The following ANXA4 variants were observed in gnomAD, a reference collection of about 807,000 sequenced individuals.
ANXA4 encodes the protein annexin A4, also known as 35-beta calcimedin.
A neutral mutation model predicts 49.8 loss-of-function variants in ANXA4; 39 were observed. The observed-to-expected ratio is 0.78, with a 90% CI of 0.61 to 1.02. ANXA4 has a LOEUF of 1.02. ANXA4 is among the 50% of genes least tolerant of loss of function. ANXA4 has a pLI of 0.00. For missense variants in ANXA4, 360 were observed against 410.1 expected, an observed-to-expected ratio of 0.88 and a Z score of 1.05; for synonymous variants, 134 against 152.5, an observed-to-expected ratio of 0.88 and a Z score of 0.89.
chr2:69,804,884 T>TA, intron 4 of ANXA4, among the ~76,000 whole-genome samples: 2 of 150,776 alleles, frequency 1.3e-5, no homozygotes, highest in Middle Eastern at 6.8e-3. Context: ...CATCTCTCCT[T>TA]AAAAAATACA....
chr2:69,782,508 A>T (rs2312553), intron 2 of ANXA4, among the ~76,000 whole-genome samples: 54,059 of 151,400 alleles, frequency 0.36, 10,908 homozygotes, highest in East Asian at 0.51. Context: ...GAATTTTTTT[A>T]AAAATATTTA....
At chr2:69,761,455 T>G (rs969719720) in intron 1 of ANXA4, among the ~76,000 whole-genome samples, 3 of 152,250 alleles carry the variant, frequency 2.0e-5, no homozygotes, top group Non-Finnish European at 4.4e-5. Context: ...TGATTCATGT[T>G]TTTTAAAAGA....
chr2:69,663,418 G>A (rs548895470), intron 2 of ANXA4, among the ~76,000 whole-genome samples: 64 of 142,560 alleles, frequency 4.5e-4, no homozygotes, highest in African/African-American at 8.3e-4. Flanking sequence ...TCCAAAACAC[G>A]CTAACAGAGA....
chr2:69,794,536 T>C, intron 3 of ANXA4, among the ~76,000 whole-genome samples: 1 of 126,646 alleles, frequency 7.9e-6, no homozygotes, highest in East Asian at 1.9e-4. Flanking sequence ...TGTTATGTTA[T>C]GTTATGTTAT....
chr2:69,816,767 A>G (rs1420297636), intron 9 of ANXA4: 1 of 152,304 alleles, frequency 6.6e-6, no homozygotes, highest in African/African-American at 2.4e-5. Flanking sequence ...TGTCAGGTTC[A>G]TATTCTTTTA....
In ANXA4 at chr2:69,652,456, A is replaced by T. The variant is rs534757873; in HGVS notation, n.482-542A>T. On this transcript the variant is annotated intron_variant and non_coding_transcript_variant, in intron 1 of 3. Transcript: ENST00000418066. ...TCTTTTTCTTTTAAAGACTTTTAAT[A>T]GGTTGTTGGGAGAAGCTTAGGGATC... Among the ~76,000 whole-genome samples the T allele has an allele frequency of 2.5e-3, 376 of 152,320 alleles. 1 individual carries two copies. Among genetic ancestry groups the T allele is most frequent in the Middle Eastern group, 0.02 (6 of 294 alleles).
At chr2:69,670,438 C>CAAA (rs748196181) in intron 2 of ANXA4, among the ~76,000 whole-genome samples, 7 of 44,764 alleles carry the variant, frequency 1.6e-4, no homozygotes, top group Non-Finnish European at 1.8e-4. Flanking sequence ...GACTCAATCT[C>CAAA]AAAAAAAAAA....
intron 1 of ANXA4, among the ~76,000 whole-genome samples, chr2:69,647,228 C>T (rs1676039096): frequency 6.6e-6 from 1 of 152,136 alleles, no homozygotes; most frequent in South Asian, 2.1e-4. Flanking sequence ...CCCAGCCTGT[C>T]AGGATCACCA....
chr2:69,765,827 A>AG (rs1671472608), intron 1 of ANXA4, among the ~76,000 whole-genome samples: 1 of 152,020 alleles, frequency 6.6e-6, no homozygotes, highest in African/African-American at 2.4e-5. Context: ...AGAGGAGGAG[A>AG]GGGGGGCTGA....
chr2:69,795,612 G>A (rs184999376), intron 3 of ANXA4, among the ~76,000 whole-genome samples: 47 of 152,228 alleles, frequency 3.1e-4, no homozygotes, highest in African/African-American at 1.1e-3. Flanking sequence ...TATTGTCTCT[G>A]GTTAGGAAAA....
chr2:69,719,776 A>C (rs562360041), intron 2 of ANXA4, among the ~76,000 whole-genome samples: 55 of 152,212 alleles, frequency 3.6e-4, no homozygotes, highest in African/African-American at 1.3e-3. Context: ...TACAAAAATC[A>C]TTAGTTAAAA....
chr2:69,797,440 G>C (rs1672991838), intron 3 of ANXA4, among the ~76,000 whole-genome samples: 1 of 152,188 alleles, frequency 6.6e-6, no homozygotes, highest in Non-Finnish European at 1.5e-5. Flanking sequence ...ATTACTCTCT[G>C]ACCTCCTAGA....
Position 69,815,674 on chromosome 2 carries a change from G to A in ANXA4, c.535-427G>A, listed in dbSNP as rs1673956432. 1.6e-5 allele frequency: 3 copies of A among 188,294 alleles called. No individual in the cohort carries two copies. The Admixed American group carries it at 1.6e-4, about 10-fold the overall frequency. 11.7% of individuals were successfully genotyped at this position (188,294 alleles called of 1,614,324 possible). On this transcript the variant is annotated intron_variant, in intron 8 of 12. Transcript: ENST00000394295. ...GAACATTCCACATCTGCACTGTCCT[G>A]TATGGGTGACTACCGGCTACCTGTA... is the stretch of plus-strand genomic sequence containing the variant.
In ANXA4 at chr2:69,651,800, C is replaced by CTT. The variant is rs78927191; in HGVS notation, n.482-1182_482-1181dup. Among the ~76,000 whole-genome samples, 188 of 56,656 alleles carry CTT rather than the reference C, an allele frequency of 3.3e-3. 5 individuals carry two copies. In the East Asian group the frequency reaches 0.036, roughly 11 times the overall value. The allele number at this position is 56,656 out of a possible 152,430, so 37.2% of individuals were successfully genotyped here. A position where few individuals can be genotyped will look rare whatever the true frequency, so the allele number is the denominator to read the frequency against. On this transcript the variant is annotated intron_variant and non_coding_transcript_variant, in intron 1 of 3. Coordinates refer to the ANXA4 transcript ENST00000418066. Reference sequence around the variant, plus strand: ...TACAGGCGTGAGCCACCGCGCCCGGCTTTTTTTTTTTTTTTTTGGGGGGGG... The same window carrying CTT: ...TACAGGCGTGAGCCACCGCGCCCGGCTTTTTTTTTTTTTTTTTTTGGGGGGGG...
At chr2:69,757,602 C>G (rs1354380126) in intron 1 of ANXA4, among the ~76,000 whole-genome samples, 1 of 151,478 alleles carries the variant, frequency 6.6e-6, no homozygotes, top group Admixed American at 6.6e-5. Flanking sequence ...AGATAAATCC[C>G]AAGAAGTAGA....
At chr2:69,778,311 T>C (rs1305243453) in intron 1 of ANXA4, among the ~76,000 whole-genome samples, 2 of 152,224 alleles carry the variant, frequency 1.3e-5, no homozygotes, top group East Asian at 1.9e-4. Context: ...GTTAAAAATA[T>C]ATTTTAAAAT....
At chr2:69,788,003 C>T (rs528167997) in intron 2 of ANXA4, 51 bp from the exon 3 acceptor site, 50 of 1,487,032 alleles carry the variant, frequency 3.4e-5, no homozygotes, top group Admixed American at 2.5e-4. Flanking sequence ...GAGATGCCTC[C>T]GTGTTGGTGA....
At chr2:69,678,672 C>T (rs1297912439) in intron 2 of ANXA4, among the ~76,000 whole-genome samples, 5 of 152,192 alleles carry the variant, frequency 3.3e-5, no homozygotes, top group Admixed American at 1.3e-4. Context: ...GCTGGGACTA[C>T]GGGCATGAGC....
chr2:69,775,540 T>G (rs534675102), intron 1 of ANXA4, among the ~76,000 whole-genome samples: 1 of 152,160 alleles, frequency 6.6e-6, no homozygotes, highest in Non-Finnish European at 1.5e-5. Flanking sequence ...AAGAGAAAGT[T>G]TGTTTTGGCT....
Sources: gnomAD v4.1 joint callset for allele counts (sites outside exome capture counted in the v4.1 genomes callset) on GRCh38, gnomAD v4.1.1 for gene constraint, MANE v1.5 for transcripts, NCBI Gene and HGNC (gene_info 2026-07-23, HGNC 2026-07-21) for gene names.